ESF1: variants seen among roughly 807,000 people sequenced by gnomAD.
ESF1 encodes ESF1 homolog.
In ESF1, 58 loss-of-function variants were observed where a neutral mutation model predicts 92.0. The observed-to-expected ratio is 0.63, with a 90% CI of 0.51 to 0.78. ESF1 has a LOEUF of 0.78. Among genes scored for constraint, ESF1 ranks in the 30% least tolerant of loss-of-function variants. ESF1 has a pLI of 0.00. For synonymous variants in ESF1, 321 were observed against 313.7 expected (o/e 1.02, Z -0.24); for missense variants, 922 against 989.1 (o/e 0.93, Z 0.91).
intron 11 of ESF1, among the ~76,000 whole-genome samples, chr20:13,727,787 A>G (rs2049911633): frequency 6.6e-6 from 1 of 152,196 alleles, no homozygotes; most frequent in South Asian, 2.1e-4. Context: ...AAGGAAAAAG[A>G]GGAGTAAGGA....
rs531388428 is a variant in ESF1 at position 13,757,920 on chromosome 20, GATTAGA to G, written c.1828+1766_1828+1771del. On this transcript the variant is annotated intron_variant, in intron 9 of 13. Transcript: ENST00000617257. Reference sequence around the variant, plus strand: ...AATATATTCAATAAGCTCATTCTAAGATTAGAATTAAACTACAATATATTCAACTTA... The same window carrying G: ...AATATATTCAATAAGCTCATTCTAAGATTAAACTACAATATATTCAACTTA... Among the ~76,000 whole-genome samples, 147 of 152,244 alleles carry G rather than the reference GATTAGA, an allele frequency of 9.7e-4. 1 individual carries two copies. Among genetic ancestry groups the G allele is most frequent in the African/African-American group, 3.1e-3 (129 of 41,532 alleles).
intron 11 of ESF1, among the ~76,000 whole-genome samples, chr20:13,726,118 C>T (rs182459131): frequency 3.3e-5 from 5 of 152,252 alleles, no homozygotes; most frequent in African/African-American, 4.8e-5. Flanking sequence ...GTCTAGAGCT[C>T]GGCAAAAGTC....
chr20:13,743,549 CA>C (rs58439274), intron 9 of ESF1, among the ~76,000 whole-genome samples: 102,666 of 151,910 alleles, frequency 0.68, 34,925 homozygotes, highest in East Asian at 0.89. Flanking sequence ...TATTCAGCCA[CA>C]AAAAAGAAAA....
intron 9 of ESF1, among the ~76,000 whole-genome samples, chr20:13,736,197 G>A (rs1449775590): frequency 2.6e-5 from 4 of 151,948 alleles, no homozygotes; most frequent in African/African-American, 4.8e-5. Context: ...TTGTTGTGAC[G>A]GGCTATCCTG....
intron 9 of ESF1, among the ~76,000 whole-genome samples, chr20:13,737,821 T>A (rs1399188667): frequency 8.0e-6 from 1 of 125,522 alleles, no homozygotes; most frequent in Admixed American, 8.4e-5. Flanking sequence ...GCCAGACTAA[T>A]TTTTTCTGTA....
Position 13,750,397 on chromosome 20 carries a change from C to T in ESF1, c.1828+9295G>A, listed in dbSNP as rs550818105. 1.6e-4 allele frequency among the ~76,000 whole-genome samples: 24 copies of T among 152,114 alleles called. No homozygotes were observed. The South Asian group carries it at 1.7e-3, about 11-fold the overall frequency. On this transcript the variant is annotated intron_variant, in intron 9 of 13. Transcript: ENST00000617257. ...ACGTGTGCCTGTAGTCCCAGCTACT[C>T]GGGAGGCTGAGGCAGGAGAATTGCT... is the stretch of plus-strand genomic sequence containing the variant.
chr20:13,776,243 C>T lies in ESF1; in HGVS notation c.665G>A (p.Ser222Asn). 1 of 1,613,190 alleles carries T rather than the reference C, an allele frequency of 6.2e-7. No homozygotes were observed. The highest frequency in any genetic ancestry group is 1.3e-5 in the African/African-American group (1 of 75,024). Residue 222 changes from serine to asparagine, a missense_variant, in exon 3 of 14, where the codon AGT becomes AAT. By Grantham distance (46) the Ser-to-Asn change is conservative (BLOSUM62 1). Transcript: ENST00000617257. ...SVVQLIMTRD[S>N]DGYENSTDGE... Reference sequence around the variant, plus strand: ...ATCTGTTGAGTTTTCATAACCATCACTGTCTCTTGTCATTATGAGTTGAAC... The same window carrying T: ...ATCTGTTGAGTTTTCATAACCATCATTGTCTCTTGTCATTATGAGTTGAAC...
At chr20:13,736,371 C>A (rs1032300864) in intron 9 of ESF1, among the ~76,000 whole-genome samples, 1 of 151,888 alleles carries the variant, frequency 6.6e-6, no homozygotes. Flanking sequence ...AAAATCATTT[C>A]TAAAAAAAAG....
chr20:13,769,512 G>A (rs1470801282), intron 7 of ESF1, among the ~76,000 whole-genome samples: 2 of 152,238 alleles, frequency 1.3e-5, no homozygotes, highest in African/African-American at 4.8e-5. Flanking sequence ...GAGGCTGGGA[G>A]CAGTGGCTCA....
chr20:13,758,912 C>A (rs1290161398), intron 9 of ESF1, among the ~76,000 whole-genome samples: 4 of 152,162 alleles, frequency 2.6e-5, no homozygotes, highest in Non-Finnish European at 4.4e-5. Flanking sequence ...ATGGATAGTA[C>A]TGAATCCTAT....
intron 9 of ESF1, among the ~76,000 whole-genome samples, chr20:13,753,334 G>C (rs1050885823): frequency 2.7e-5 from 4 of 150,772 alleles, no homozygotes; most frequent in African/African-American, 9.8e-5. Context: ...CTTTTAGCAG[G>C]TGAATTTTTC....
intron 9 of ESF1, among the ~76,000 whole-genome samples, chr20:13,746,569 A>G (rs1267962689): frequency 6.6e-6 from 1 of 152,166 alleles, no homozygotes; most frequent in African/African-American, 2.4e-5. Context: ...CAGGCCCTAC[A>G]GACTGCATTT....
rs1230628603 is a variant in ESF1 at position 13,782,551 on chromosome 20, T to G, written c.590A>C (p.Lys197Thr). ...TLDSGTSEIV[K>T]SPRIECSKTR... ...CTTAGAACACTCGATTCTGGGAGATTTCACAATTTCAGAGGTGCCTGAGTC... is the reference window on the plus strand; with the variant it reads ...CTTAGAACACTCGATTCTGGGAGATGTCACAATTTCAGAGGTGCCTGAGTC... Residue 197 changes from lysine to threonine, a missense_variant, in exon 2 of 14, where the codon AAA (lysine) becomes ACA (threonine). By Grantham distance (78) the Lys-to-Thr change is moderately conservative (BLOSUM62 -1). Transcript: ENST00000617257. The G allele has an allele frequency of 6.4e-7, 1 of 1,565,590 alleles. No individual in the cohort carries two copies. The highest frequency in any genetic ancestry group is 1.4e-5 in the African/African-American group (1 of 71,852).
intron 9 of ESF1, among the ~76,000 whole-genome samples, chr20:13,757,100 G>T (rs1023049558): frequency 4.6e-5 from 7 of 151,940 alleles, no homozygotes; most frequent in Non-Finnish European, 1.0e-4. Context: ...GTTGAATTAG[G>T]ATAGTGGAAT....
At chr20:13,784,291 C>CCA (rs1010549267) in intron 1 of ESF1, among the ~76,000 whole-genome samples, 1 of 147,682 alleles carries the variant, frequency 6.8e-6, no homozygotes, top group Non-Finnish European at 1.5e-5. Flanking sequence ...GCAACCCCCC[C>CCA]CCAAAATGAT....
At chr20:13,719,074 T>G in intron 11 of ESF1, 90 bp from the exon 12 acceptor site, 1 of 798,260 alleles carries the variant, frequency 1.3e-6, no homozygotes, top group Non-Finnish European at 1.9e-6. Flanking sequence ...ATAAGATATC[T>G]AGGAATAATC....
chr20:13,742,882 C>T (rs200362110), intron 9 of ESF1, among the ~76,000 whole-genome samples: 57 of 152,202 alleles, frequency 3.7e-4, no homozygotes, highest in East Asian at 1.5e-3. Flanking sequence ...ACCCTGTTCC[C>T]GCCCTCCCTC....
chr20:13,738,688 G>A (rs2049991834), intron 9 of ESF1, among the ~76,000 whole-genome samples: 1 of 152,058 alleles, frequency 6.6e-6, no homozygotes, highest in Admixed American at 6.6e-5. Flanking sequence ...ATATTCATTT[G>A]TGGAATTGTA....
intron 4 of ESF1, among the ~76,000 whole-genome samples, chr20:13,773,569 A>G (rs1011295877): frequency 2.0e-5 from 3 of 152,082 alleles, no homozygotes; most frequent in Non-Finnish European, 4.4e-5. Context: ...TGACCTGTTC[A>G]TTTGTCCAAA....
Sources: allele counts gnomAD v4.1 joint callset (sites outside exome capture counted in the v4.1 genomes callset), GRCh38; gene constraint gnomAD v4.1.1; transcripts MANE v1.5; gene names NCBI Gene and HGNC (gene_info 2026-07-23, HGNC 2026-07-21).